The following SLC26A7 variants were observed in gnomAD, a reference collection of about 807,000 sequenced individuals.
The protein encoded by SLC26A7 is anion exchange transporter.
SLC26A7 carries 59 observed loss-of-function variants against 82.5 expected under a neutral mutation model. The ratio of observed to expected loss-of-function variants is 0.72; its 90% confidence interval spans 0.58 to 0.89. The LOEUF is 0.89. SLC26A7 is among the 40% of genes least tolerant of loss of function. The probability of loss-of-function intolerance (pLI) is 0.00; values close to 1 mark genes in which losing one functional copy is unlikely to be tolerated. For synonymous variants in SLC26A7, 271 were observed against 274.3 expected (o/e 0.99, Z 0.12); for missense variants, 820 against 793.0 (o/e 1.03, Z -0.41).
intron 15 of SLC26A7, among the ~76,000 whole-genome samples, chr8:91,376,393 T>C (rs1457973016): frequency 6.6e-6 from 1 of 152,196 alleles, no homozygotes; most frequent in Non-Finnish European, 1.5e-5. Flanking sequence ...GACTTTTACA[T>C]TTTTCACTCT....
At chr8:91,257,967 G>A (rs1166447732) in intron 2 of SLC26A7, among the ~76,000 whole-genome samples, 1 of 152,054 alleles carries the variant, frequency 6.6e-6, no homozygotes, top group Non-Finnish European at 1.5e-5. Context: ...TGGCAGGAGA[G>A]AGAATGAGTG....
At chr8:91,372,646 G>T (rs1814398924) in intron 15 of SLC26A7, among the ~76,000 whole-genome samples, 1 of 151,966 alleles carries the variant, frequency 6.6e-6, no homozygotes, top group Non-Finnish European at 1.5e-5. Flanking sequence ...TTGAAGTATA[G>T]TTTGAAGTTG....
chr8:91,346,877 C>T (rs1352675284), intron 9 of SLC26A7, among the ~76,000 whole-genome samples: 4 of 152,142 alleles, frequency 2.6e-5, no homozygotes, highest in Non-Finnish European at 5.9e-5. Context: ...GCTGCCTTTC[C>T]CTTCCTCTCT....
At chr8:91,284,842 G>A (rs1586362483) in intron 2 of SLC26A7, among the ~76,000 whole-genome samples, 1 of 152,312 alleles carries the variant, frequency 6.6e-6, no homozygotes, top group Middle Eastern at 3.4e-3. Context: ...TACAAAGGTT[G>A]TAATATTATT....
chr8:91,316,927 G>C (rs1342030481), intron 4 of SLC26A7, among the ~76,000 whole-genome samples: 2 of 139,002 alleles, frequency 1.4e-5, no homozygotes, highest in African/African-American at 5.5e-5. Flanking sequence ...ACCAGAGCAG[G>C]AGGATTGTTT....
chr8:91,314,635 T>C (rs562909017), intron 4 of SLC26A7, among the ~76,000 whole-genome samples: 2 of 152,314 alleles, frequency 1.3e-5, no homozygotes, highest in African/African-American at 4.8e-5. Context: ...ACCTCATATG[T>C]TTTTAATCAT....
intron 2 of SLC26A7, among the ~76,000 whole-genome samples, chr8:91,256,612 C>A (rs1352364252): frequency 6.6e-6 from 1 of 152,082 alleles, no homozygotes; most frequent in South Asian, 2.1e-4. Context: ...GCCAATCCAG[C>A]AAAATGCATA....
At chr8:91,355,334 T>C (rs938634226) in intron 11 of SLC26A7, among the ~76,000 whole-genome samples, 2 of 152,120 alleles carry the variant, frequency 1.3e-5, no homozygotes, top group Non-Finnish European at 2.9e-5. Context: ...TATTTACAAA[T>C]TTTTTCTTCT....
intron 11 of SLC26A7, among the ~76,000 whole-genome samples, chr8:91,354,934 G>A (rs1165642920): frequency 1.3e-5 from 2 of 151,632 alleles, no homozygotes; most frequent in Admixed American, 6.6e-5. Flanking sequence ...TCTCATACTC[G>A]TTATTTATTT....
At chr8:91,239,398 AT>A (rs1563639331) in intron 2 of SLC26A7, among the ~76,000 whole-genome samples, 1,441 of 104,256 alleles carry the variant, frequency 0.014, 36 homozygotes, top group African/African-American at 0.051. Flanking sequence ...AAAAAAAAAT[AT>A]ATATATATAT....
At chr8:91,237,723 T>C (rs1266628656) in intron 2 of SLC26A7, among the ~76,000 whole-genome samples, 1 of 152,152 alleles carries the variant, frequency 6.6e-6, no homozygotes, top group Non-Finnish European at 1.5e-5. Flanking sequence ...TAAACTCATA[T>C]CCCCTATTTC....
chr8:91,268,941 A>T (rs1419542984), intron 2 of SLC26A7, among the ~76,000 whole-genome samples: 1 of 45,228 alleles, frequency 2.2e-5, no homozygotes, highest in African/African-American at 1.0e-4. Context: ...TTGATCACAA[A>T]ACAAAAAAAA....
In SLC26A7 at chr8:91,237,725, C is replaced by T. The variant is rs550107193; in HGVS notation, c.-33-11894C>T. Among the ~76,000 whole-genome samples, 16 of 152,256 alleles carry T rather than the reference C, an allele frequency of 1.1e-4. No individual in the cohort carries two copies. In the East Asian group the frequency reaches 3.1e-3, roughly 29 times the overall value. On this transcript the variant is annotated intron_variant, in intron 2 of 5. Transcript: ENST00000522862. ...TGATTATACTTCTTAAACTCATATC[C>T]CCTATTTCCTTATCACTCATTCACT...
intron 12 of SLC26A7, among the ~76,000 whole-genome samples, chr8:91,362,741 T>G (rs113451589): frequency 6.6e-6 from 1 of 152,076 alleles, no homozygotes; most frequent in Admixed American, 6.6e-5. Flanking sequence ...GGCCTTATAC[T>G]GCATCAGAGA....
In SLC26A7 at chr8:91,396,028, T is replaced by G. The variant is rs917476195; in HGVS notation, c.*931T>G. The G allele has an allele frequency of 6.6e-6, 1 of 152,074 alleles. No homozygotes were observed. Among genetic ancestry groups the G allele is most frequent in the African/African-American group, 2.4e-5 (1 of 41,442 alleles). 9.4% of individuals were successfully genotyped at this position (152,074 alleles called of 1,614,324 possible). On this transcript the variant is annotated 3_prime_UTR_variant, in exon 19 of 19. Coordinates refer to ENST00000276609, the MANE Select transcript of SLC26A7 (RefSeq NM_052832.4). ...AATATAATATGTTTATCTATATCCA[T>G]ATGGATGGATAGGTAGGTAGATCTT...
At chr8:91,275,195 G>A (rs1446424831) in intron 2 of SLC26A7, among the ~76,000 whole-genome samples, 2 of 152,200 alleles carry the variant, frequency 1.3e-5, no homozygotes, top group African/African-American at 4.8e-5. Context: ...TCTATATGTA[G>A]AATGTATATA....
intron 11 of SLC26A7, among the ~76,000 whole-genome samples, chr8:91,361,362 C>A (rs1182787399): frequency 5.3e-5 from 8 of 152,074 alleles, no homozygotes; most frequent in Admixed American, 5.2e-4. Context: ...TTAGAATACA[C>A]AAACATTTCT....
chr8:91,272,261 G>T (rs1033712991), intron 2 of SLC26A7, among the ~76,000 whole-genome samples: 6 of 152,084 alleles, frequency 3.9e-5, no homozygotes, highest in Non-Finnish European at 8.8e-5. Flanking sequence ...AATCCTTTCT[G>T]TGTTCACCTG....
At chr8:91,392,615 C>T (rs1270459963) in intron 16 of SLC26A7, among the ~76,000 whole-genome samples, 1 of 152,178 alleles carries the variant, frequency 6.6e-6, no homozygotes, top group Non-Finnish European at 1.5e-5. Flanking sequence ...GACTCTTCAG[C>T]CCTGCATGCC....
Sources: gnomAD v4.1 joint callset for allele counts (sites outside exome capture counted in the v4.1 genomes callset) on GRCh38, gnomAD v4.1.1 for gene constraint, MANE v1.5 for transcripts, NCBI Gene and HGNC (gene_info 2026-07-23, HGNC 2026-07-21) for gene names.